Variants in SIPA1L2 observed in about 807,000 individuals in gnomAD.
The protein encoded by SIPA1L2 is signal-induced proliferation-associated 1-like protein 2.
A neutral mutation model predicts 163.9 loss-of-function variants in SIPA1L2; 56 were observed. The ratio of observed to expected loss-of-function variants is 0.34; its 90% confidence interval spans 0.28 to 0.43. The LOEUF is 0.43. Among genes scored for constraint, SIPA1L2 ranks in the 20% least tolerant of loss-of-function variants. The pLI, the probability that SIPA1L2 is intolerant of heterozygous loss-of-function variation, is 1.00. For synonymous variants in SIPA1L2, 877 were observed against 865.7 expected, an observed-to-expected ratio of 1.01 and a Z score of -0.23; for missense variants, 1,974 against 2,193.5, an observed-to-expected ratio of 0.90 and a Z score of 2.00.
intron 6 of SIPA1L2, among the ~76,000 whole-genome samples, chr1:232,481,373 C>T (rs1377138156): frequency 6.6e-6 from 1 of 152,122 alleles, no homozygotes; most frequent in African/African-American, 2.4e-5. Context: ...CATCACAACA[C>T]TGCTGTCAGG....
Position 232,425,952 on chromosome 1 carries a change from G to C in SIPA1L2, c.4411-144C>G, listed in dbSNP as rs1218833523. On this transcript the variant is annotated intron_variant, in intron 17 of 22. Transcript: ENST00000674635. ...TGTTAGCTCAAGAATGCCAAACGCA[G>C]CATGCAGGGGATCAAGGCAAATACA... 5 of 698,440 alleles carry C rather than the reference G, an allele frequency of 7.2e-6. No homozygotes were observed. In the Admixed American group the frequency reaches 8.2e-5, roughly 11 times the overall value. The allele number at this position is 698,440 out of a possible 1,614,324, so 43.3% of individuals were successfully genotyped here.
At chr1:232,490,581 AACT>A (rs113478577) in intron 5 of SIPA1L2, 66,389 of 276,518 alleles carry the variant, frequency 0.24, 8,437 homozygotes, top group Admixed American at 0.35. Context: ...CCTGGAAAAA[AACT>A]ACTATTGACT....
At chr1:232,530,980 A>G (rs767837477) in intron 2 of SIPA1L2, among the ~76,000 whole-genome samples, 16 of 152,214 alleles carry the variant, frequency 1.1e-4, no homozygotes, top group African/African-American at 1.7e-4. Flanking sequence ...AATCATTTAT[A>G]TGAGTCCAAA....
intron 6 of SIPA1L2, among the ~76,000 whole-genome samples, chr1:232,483,400 C>T (rs545579304): frequency 6.6e-6 from 1 of 152,090 alleles, no homozygotes; most frequent in Non-Finnish European, 1.5e-5. Flanking sequence ...AGCCCAATAA[C>T]ACAGCATGAA....
At chr1:232,479,503 A>G (rs891717587) in intron 7 of SIPA1L2, 124 bp downstream of exon 7, 1 of 746,956 alleles carries the variant, frequency 1.3e-6, no homozygotes, top group African/African-American at 1.7e-5. Flanking sequence ...GTCAAAGATG[A>G]TTAATGCTAT....
At chr1:232,416,548 G>T (rs1264416660) in intron 18 of SIPA1L2, among the ~76,000 whole-genome samples, 1 of 152,218 alleles carries the variant, frequency 6.6e-6, no homozygotes, top group Non-Finnish European at 1.5e-5. Context: ...GGTTTACGTT[G>T]CTGTAAGAAG....
At chr1:232,420,842 A>G (rs891111193) in intron 18 of SIPA1L2, among the ~76,000 whole-genome samples, 6 of 152,294 alleles carry the variant, frequency 3.9e-5, no homozygotes, top group Non-Finnish European at 5.9e-5. Flanking sequence ...CTCAAAAAAA[A>G]AGAAAGTGCC....
At chr1:232,471,574 A>G (rs766432322) in intron 7 of SIPA1L2, 46 bp from the exon 8 acceptor site, 3 of 1,490,600 alleles carry the variant, frequency 2.0e-6, no homozygotes, top group Non-Finnish European at 2.7e-6. Context: ...TTTCTTTAAA[A>G]CAAAATATAT....
At chr1:232,445,496 G>C (rs771849159) in intron 11 of SIPA1L2, 33 bp downstream of exon 11, 20 of 1,611,992 alleles carry the variant, frequency 1.2e-5, no homozygotes, top group Middle Eastern at 1.9e-4. Flanking sequence ...TGATTTACAA[G>C]GGCCCCCCTT....
At chr1:232,414,613 C>T (rs918821333) in intron 19 of SIPA1L2, among the ~76,000 whole-genome samples, 5 of 152,052 alleles carry the variant, frequency 3.3e-5, no homozygotes, top group African/African-American at 1.2e-4. Context: ...CTCAGTTACA[C>T]CATGAGAGTC....
At chr1:232,411,169 T>C (rs980485573) in intron 19 of SIPA1L2, among the ~76,000 whole-genome samples, 1 of 152,214 alleles carries the variant, frequency 6.6e-6, no homozygotes, top group Non-Finnish European at 1.5e-5. Flanking sequence ...ACTGTACATT[T>C]ACATATTTAG....
intron 9 of SIPA1L2, among the ~76,000 whole-genome samples, chr1:232,462,751 T>C (rs770517040): frequency 1.1e-4 from 16 of 152,222 alleles, no homozygotes; most frequent in Non-Finnish European, 1.8e-4. Context: ...TTCTTTCAAA[T>C]ATCAATGCGA....
At chr1:232,418,204 G>A (rs1661371183) in intron 18 of SIPA1L2, among the ~76,000 whole-genome samples, 1 of 152,124 alleles carries the variant, frequency 6.6e-6, no homozygotes, top group African/African-American at 2.4e-5. Context: ...GATAACAGGA[G>A]ACAGGAAAAG....
intron 1 of SIPA1L2, among the ~76,000 whole-genome samples, chr1:232,625,536 G>A (rs1663031565): frequency 6.6e-6 from 1 of 152,140 alleles, no homozygotes; most frequent in South Asian, 2.1e-4. Flanking sequence ...AGGTTTTAGC[G>A]AAAAGGAAAC....
chr1:232,521,416 C>T (rs1048768565), intron 2 of SIPA1L2, among the ~76,000 whole-genome samples: 2 of 152,194 alleles, frequency 1.3e-5, no homozygotes, highest in African/African-American at 2.4e-5. Flanking sequence ...CCACAAGAAA[C>T]CCATATTATG....
intron 1 of SIPA1L2, among the ~76,000 whole-genome samples, chr1:232,583,587 A>C (rs1342364124): frequency 6.6e-6 from 1 of 152,194 alleles, no homozygotes; most frequent in African/African-American, 2.4e-5. Flanking sequence ...ACATTTCAAG[A>C]CTGGGGAATT....
intron 3 of SIPA1L2, among the ~76,000 whole-genome samples, chr1:232,509,879 C>T (rs1047371644): frequency 3.9e-5 from 6 of 152,136 alleles, no homozygotes; most frequent in African/African-American, 1.4e-4. Context: ...ACAGAGCAGC[C>T]GGGGCTCGGC....
intron 1 of SIPA1L2, among the ~76,000 whole-genome samples, chr1:232,598,402 C>G (rs1167593594): frequency 6.6e-6 from 1 of 152,048 alleles, no homozygotes; most frequent in Non-Finnish European, 1.5e-5. Context: ...AGAATGAAAC[C>G]CTCTCTCTAA....
intron 17 of SIPA1L2, 151 bp from the exon 18 acceptor site, chr1:232,425,959 G>T: frequency 1.5e-6 from 1 of 667,124 alleles, no homozygotes. Context: ...GCAGCATGCA[G>T]GGGATCAAGG....
Sources: gnomAD v4.1 joint callset for allele counts (sites outside exome capture counted in the v4.1 genomes callset) on GRCh38, gnomAD v4.1.1 for gene constraint, MANE v1.5 for transcripts, NCBI Gene and HGNC (gene_info 2026-07-23, HGNC 2026-07-21) for gene names.